Variants in TAFA2 observed in about 807,000 individuals in gnomAD.
TAFA2 encodes the protein TAFA chemokine like family member 2.
Under a neutral mutation model 18.8 loss-of-function variants are expected in TAFA2, and 7 were observed. The ratio of observed to expected loss-of-function variants is 0.37; its 90% CI spans 0.21 to 0.70. The LOEUF (loss-of-function observed/expected upper bound fraction) is 0.70. Among genes scored for constraint, TAFA2 ranks in the 30% least tolerant of loss-of-function variants. The pLI is 0.53. For missense variants in TAFA2, 122 were observed against 158.1 expected (o/e 0.77, Z 1.23); for synonymous variants, 60 against 54.2 (o/e 1.11, Z -0.47).
At chr12:62,220,590 A>C (rs1414256692) in intron 1 of TAFA2, among the ~76,000 whole-genome samples, 1 of 152,246 alleles carries the variant, frequency 6.6e-6, no homozygotes, top group African/African-American at 2.4e-5. Context: ...AACTGTGGAC[A>C]TTGAGTGATA....
At chr12:61,860,693 C>T (rs1041076899) in intron 2 of TAFA2, among the ~76,000 whole-genome samples, 1 of 152,162 alleles carries the variant, frequency 6.6e-6, no homozygotes. Context: ...TTGGCATAGG[C>T]TGCTGCTCTT....
intron 2 of TAFA2, among the ~76,000 whole-genome samples, chr12:61,796,149 G>T (rs905676409): frequency 6.6e-6 from 1 of 152,020 alleles, no homozygotes; most frequent in African/African-American, 2.4e-5. Context: ...TTTCCCAAAA[G>T]AAATGAAAAC....
At chr12:62,064,730 G>A (rs1380874157) in intron 1 of TAFA2, among the ~76,000 whole-genome samples, 1 of 151,980 alleles carries the variant, frequency 6.6e-6, no homozygotes, top group Non-Finnish European at 1.5e-5. Flanking sequence ...TCCCTCATAA[G>A]TGCTATTAAG....
chr12:61,818,402 GGAC>G (rs1872175687), intron 2 of TAFA2, among the ~76,000 whole-genome samples: 1 of 151,136 alleles, frequency 6.6e-6, no homozygotes, highest in Non-Finnish European at 1.5e-5. Context: ...GGGATGAAAT[GGAC>G]TACAATTAGT....
chr12:61,842,230 T>C (rs1008099904), intron 2 of TAFA2, among the ~76,000 whole-genome samples: 2 of 151,708 alleles, frequency 1.3e-5, no homozygotes, highest in Non-Finnish European at 2.9e-5. Flanking sequence ...AAAAATATGG[T>C]ATATGGTATA....
At chr12:61,760,657 G>A (rs539641697) in intron 2 of TAFA2, among the ~76,000 whole-genome samples, 64 of 151,646 alleles carry the variant, frequency 4.2e-4, no homozygotes, top group Admixed American at 8.6e-4. Flanking sequence ...TTAATGAGAC[G>A]GGAGGAAATT....
chr12:62,166,979 G>A (rs1265681682), intron 1 of TAFA2, among the ~76,000 whole-genome samples: 1 of 151,954 alleles, frequency 6.6e-6, no homozygotes, highest in Admixed American at 6.6e-5. Flanking sequence ...TATGCTACAT[G>A]CACAAATGAA....
chr12:62,187,248 T>C (rs2062592438), intron 1 of TAFA2, among the ~76,000 whole-genome samples: 1 of 152,132 alleles, frequency 6.6e-6, no homozygotes, highest in African/African-American at 2.4e-5. Flanking sequence ...ATTTGTAGCC[T>C]AGTAAATAAA....
chr12:62,112,339 T>A (rs917781155), intron 1 of TAFA2, among the ~76,000 whole-genome samples: 1 of 152,290 alleles, frequency 6.6e-6, no homozygotes, highest in African/African-American at 2.4e-5. Context: ...GCTTGTAGGG[T>A]TTCTGCAGAG....
At chr12:61,742,719 C>G (rs759784815) in intron 4 of TAFA2, among the ~76,000 whole-genome samples, 4 of 152,092 alleles carry the variant, frequency 2.6e-5, no homozygotes, top group Non-Finnish European at 5.9e-5. Flanking sequence ...ATATCTCTAC[C>G]TCATAGTCTC....
At chr12:61,810,644 A>G (rs1352915358) in intron 2 of TAFA2, among the ~76,000 whole-genome samples, 1 of 151,102 alleles carries the variant, frequency 6.6e-6, no homozygotes, top group Non-Finnish European at 1.5e-5. Context: ...GCAGCTGCCC[A>G]GATAGAGACT....
chr12:61,724,313 GTTC>G (rs1870038230), intron 4 of TAFA2, among the ~76,000 whole-genome samples: 1 of 151,842 alleles, frequency 6.6e-6, no homozygotes, highest in Admixed American at 6.6e-5. Context: ...ATTTTTTGGT[GTTC>G]TTTTCTCTTT....
chr12:62,201,415 A>C (rs1447524656), intron 1 of TAFA2, among the ~76,000 whole-genome samples: 1 of 152,190 alleles, frequency 6.6e-6, no homozygotes, highest in East Asian at 1.9e-4. Flanking sequence ...TGTTCCATCA[A>C]TACCTAGTAT....
At chr12:62,243,288 A>T (rs1186700992) in intron 1 of TAFA2, among the ~76,000 whole-genome samples, 1 of 152,224 alleles carries the variant, frequency 6.6e-6, no homozygotes, top group African/African-American at 2.4e-5. Flanking sequence ...ATGCTTTAAT[A>T]CTTATGATGC....
chr12:61,950,176 T>C (rs888775565), intron 1 of TAFA2, among the ~76,000 whole-genome samples: 1 of 152,194 alleles, frequency 6.6e-6, no homozygotes, highest in Non-Finnish European at 1.5e-5. Context: ...GAATGGACAT[T>C]TGAGTTGTTT....
chr12:62,056,992 T>C (rs1296105750), intron 1 of TAFA2, among the ~76,000 whole-genome samples: 1 of 152,218 alleles, frequency 6.6e-6, no homozygotes, highest in Non-Finnish European at 1.5e-5. Context: ...TTTTCTAAGT[T>C]TGGTGTCAAG....
intron 1 of TAFA2, among the ~76,000 whole-genome samples, chr12:62,155,692 GA>G (rs767910683): frequency 5.3e-5 from 8 of 152,100 alleles, no homozygotes; most frequent in Admixed American, 1.3e-4. Flanking sequence ...CTAAAGTGGG[GA>G]AAGGACACCC....
At chr12:62,031,414 G>T (rs1012799256) in intron 1 of TAFA2, among the ~76,000 whole-genome samples, 2 of 152,004 alleles carry the variant, frequency 1.3e-5, no homozygotes, top group African/African-American at 2.4e-5. Flanking sequence ...GGCTCTCTTT[G>T]CTCCTCAGCC....
chr12:62,196,397 G>A (rs895670618), upstream of TAFA2, among the ~76,000 whole-genome samples: 1 of 152,252 alleles, frequency 6.6e-6, no homozygotes, highest in East Asian at 1.9e-4. Flanking sequence ...TGGCTCAAGA[G>A]GCCTAGTTCT....
Sources: allele counts gnomAD v4.1 joint callset (sites outside exome capture counted in the v4.1 genomes callset), GRCh38; gene constraint gnomAD v4.1.1; transcripts MANE v1.5; gene names NCBI Gene and HGNC (gene_info 2026-07-23, HGNC 2026-07-21).